SNX24: variants seen among roughly 807,000 people sequenced by gnomAD.
SNX24 encodes sorting nexin-24.
A neutral mutation model predicts 28.7 loss-of-function variants in SNX24; 22 were observed. That is an observed-to-expected ratio of 0.77 (90% CI 0.55 to 1.10). The LOEUF is 1.10. Among genes scored for constraint, SNX24 ranks in the 50% least tolerant of loss-of-function variants. SNX24 has a pLI of 0.00. For synonymous variants in SNX24, 69 were observed against 71.5 expected (o/e 0.96, Z 0.18); for missense variants, 221 against 201.1 (o/e 1.10, Z -0.60).
At chr5:122,892,478 G>A (rs2150071786) in intron 1 of SNX24, among the ~76,000 whole-genome samples, 1 of 151,684 alleles carries the variant, frequency 6.6e-6, no homozygotes, top group East Asian at 1.9e-4. Context: ...TTGAGACAGA[G>A]TCTCGCTTTG....
downstream of SNX24, among the ~76,000 whole-genome samples, chr5:123,012,917 C>T (rs1347315034): frequency 6.6e-6 from 1 of 152,156 alleles, no homozygotes; most frequent in East Asian, 1.9e-4. Flanking sequence ...TAGTTAGAAA[C>T]ACCACCCAGT....
At chr5:122,955,686 G>C (rs1345158624) in intron 3 of SNX24, among the ~76,000 whole-genome samples, 1 of 152,196 alleles carries the variant, frequency 6.6e-6, no homozygotes, top group Non-Finnish European at 1.5e-5. Flanking sequence ...TTCTTTGCTA[G>C]ATTTCATCTG....
chr5:122,849,334 A>C (rs1439851498), intron 1 of SNX24, among the ~76,000 whole-genome samples: 1 of 152,056 alleles, frequency 6.6e-6, no homozygotes, highest in East Asian at 1.9e-4. Flanking sequence ...GCCCTTAGGG[A>C]TTCTCAGCCC....
At chr5:122,911,561 TGGTAATGCCTA>T (rs1321473124) in intron 1 of SNX24, among the ~76,000 whole-genome samples, 141 of 150,060 alleles carry the variant, frequency 9.4e-4, no homozygotes, top group African/African-American at 3.4e-3. Flanking sequence ...ATGTCCTGAA[TGGTAATGCCTA>T]GGTTTTCTTC....
chr5:122,905,943 T>C (rs1757628277), intron 1 of SNX24, among the ~76,000 whole-genome samples: 2 of 152,194 alleles, frequency 1.3e-5, no homozygotes, highest in African/African-American at 4.8e-5. Flanking sequence ...AAGTACCTAC[T>C]ATGTGGTAAA....
chr5:122,959,814 C>G (rs749257344), intron 3 of SNX24, among the ~76,000 whole-genome samples: 1 of 151,810 alleles, frequency 6.6e-6, no homozygotes, highest in Non-Finnish European at 1.5e-5. Context: ...TGGACACACA[C>G]GAGGAGTTAG....
At chr5:122,991,017 C>T (rs1259148180) in intron 3 of SNX24, among the ~76,000 whole-genome samples, 3 of 152,060 alleles carry the variant, frequency 2.0e-5, no homozygotes, top group African/African-American at 4.8e-5. Context: ...CTGTCTCGGC[C>T]TTCCATGTAG....
chr5:123,021,715 T>C (rs1460741460), intron 5 of SNX24, among the ~76,000 whole-genome samples: 2 of 152,154 alleles, frequency 1.3e-5, no homozygotes, highest in Non-Finnish European at 2.9e-5. Flanking sequence ...CCGTGTACCA[T>C]GACCAAAGAC....
chr5:122,873,029 C>T (rs1022435300), intron 1 of SNX24, among the ~76,000 whole-genome samples: 23 of 152,090 alleles, frequency 1.5e-4, no homozygotes, highest in African/African-American at 4.3e-4. Flanking sequence ...TGCAGTGGTG[C>T]GATCATAGCT....
intron 1 of SNX24, among the ~76,000 whole-genome samples, chr5:122,886,797 T>A (rs1456801728): frequency 2.0e-5 from 3 of 151,192 alleles, no homozygotes; most frequent in Middle Eastern, 3.4e-3. Context: ...GCCATTGCAC[T>A]CCAGCCTGGC....
At chr5:122,951,271 AAAAAAAAAAAAG>A (rs1314155251) in intron 3 of SNX24, among the ~76,000 whole-genome samples, 57 of 150,012 alleles carry the variant, frequency 3.8e-4, no homozygotes, top group African/African-American at 1.3e-3. Context: ...TGTCTCAAAA[AAAAAAAAAAAAG>A]AAAAAGAAAA....
chr5:122,936,594 G>T, intron 1 of SNX24, 140 bp from the exon 2 acceptor site: 1 of 476,026 alleles, frequency 2.1e-6, no homozygotes, highest in Non-Finnish European at 3.8e-6. Context: ...TGTTGGGCCA[G>T]GGTGTCCTGA....
chr5:123,021,408 G>A lies in SNX24; in HGVS notation n.384-7830G>A, dbSNP rs537148879. Among the ~76,000 whole-genome samples the A allele has an allele frequency of 6.6e-5, 10 of 152,242 alleles. No homozygotes were observed. The South Asian group carries it at 1.9e-3, about 28-fold the overall frequency. On this transcript the variant is annotated intron_variant and non_coding_transcript_variant, in intron 5 of 5. Transcript: ENST00000502387. ...CACCCTAAGGACTAGAGATGGGTGA[G>A]GGAAGGATGTGATTTCTCAAAAGAA...
rs1343610607 is a variant in SNX24, at chr5:122,992,018, G to A, written c.250-7894G>A. Among the ~76,000 whole-genome samples, 14 of 151,990 alleles carry A rather than the reference G, an allele frequency of 9.2e-5. 1 individual carries two copies. In the East Asian group the frequency reaches 2.7e-3, roughly 29 times the overall value. On this transcript the variant is annotated intron_variant, in intron 3 of 6. Coordinates refer to ENST00000261369, the MANE Select transcript of SNX24 (RefSeq NM_014035.4). ...ATTCCAATAAAATTAAATAAGAAAA[G>A]AATTAAACTATGTAGCATAGTGCTA...
intron 3 of SNX24, among the ~76,000 whole-genome samples, chr5:122,976,367 G>C (rs916240830): frequency 6.7e-6 from 1 of 149,820 alleles, no homozygotes; most frequent in East Asian, 2.0e-4. Flanking sequence ...CTGTTTAAGT[G>C]TAAGAAACCT....
chr5:122,963,499 A>T (rs1284947481), intron 3 of SNX24, among the ~76,000 whole-genome samples: 4 of 152,222 alleles, frequency 2.6e-5, no homozygotes, highest in Admixed American at 2.6e-4. Flanking sequence ...ATGAAAACAT[A>T]ATCCCTGAGT....
intron 1 of SNX24, among the ~76,000 whole-genome samples, chr5:122,878,771 A>C (rs1227387322): frequency 6.6e-6 from 1 of 152,130 alleles, no homozygotes; most frequent in Non-Finnish European, 1.5e-5. Flanking sequence ...CAGCAGTTTG[A>C]GACCAGCCTG....
At chr5:122,939,291 ATTTG>A (rs1207878591) in intron 2 of SNX24, among the ~76,000 whole-genome samples, 6 of 152,260 alleles carry the variant, frequency 3.9e-5, no homozygotes, top group Non-Finnish European at 8.8e-5. Context: ...CAAAAATTAG[ATTTG>A]TTTATTAGCA....
At chr5:122,985,045 A>G (rs955493709) in intron 3 of SNX24, among the ~76,000 whole-genome samples, 5 of 152,214 alleles carry the variant, frequency 3.3e-5, no homozygotes, top group Non-Finnish European at 7.3e-5. Flanking sequence ...TGGGTAGCAG[A>G]GTCCATTTGA....
Sources: gnomAD v4.1 joint callset for allele counts (sites outside exome capture counted in the v4.1 genomes callset) on GRCh38, gnomAD v4.1.1 for gene constraint, MANE v1.5 for transcripts, NCBI Gene and HGNC (gene_info 2026-07-23, HGNC 2026-07-21) for gene names.